CCT3: variants seen among roughly 807,000 people sequenced by gnomAD.
The protein encoded by CCT3 is T-complex protein 1 subunit gamma.
CCT3 carries 10 observed loss-of-function variants against 65.3 expected under a neutral mutation model. That is an observed-to-expected ratio of 0.15 (90% CI 0.09 to 0.26). The LOEUF is 0.26. Among genes scored for constraint, CCT3 ranks in the 10% least tolerant of loss-of-function variants. CCT3 has a pLI of 1.00. For synonymous variants in CCT3, 225 were observed against 242.3 expected (o/e 0.93, Z 0.66); for missense variants, 626 against 708.7 (o/e 0.88, Z 1.33).
In CCT3 at chr1:156,321,037, A is replaced by G; in HGVS notation, c.423-12T>C. The G allele has an allele frequency of 6.2e-7, 1 of 1,608,336 alleles. No individual in the cohort carries two copies. Among genetic ancestry groups the G allele is most frequent in the Non-Finnish European group, 8.5e-7 (1 of 1,175,212 alleles). ...TGTCGACTGGGATACTAGAGAAAAG[A>G]AAACCAGACGATATGTGAAGAAGGC... is the stretch of plus-strand genomic sequence containing the variant. On this transcript the variant is annotated splice_polypyrimidine_tract_variant and intron_variant, in intron 6 of 13. Transcript: ENST00000295688.
intron 11 of CCT3, 148 bp downstream of exon 11, chr1:156,311,892 TA>T (rs1413967422): frequency 1.5e-5 from 7 of 478,076 alleles, no homozygotes; most frequent in Admixed American, 4.1e-5. Flanking sequence ...ATTATTTAAT[TA>T]AAAAAAGGAA....
At chr1:156,332,043 A>AAAAG (rs34561467) in intron 5 of CCT3, among the ~76,000 whole-genome samples, 35,549 of 149,748 alleles carry the variant, frequency 0.24, 4,774 homozygotes, top group Non-Finnish European at 0.29. Context: ...AAAAAAAAAA[A>AAAAG]GAGACATGGT....
chr1:156,326,631 C>G (rs991615426), intron 5 of CCT3, among the ~76,000 whole-genome samples: 29 of 111,588 alleles, frequency 2.6e-4, no homozygotes, highest in African/African-American at 1.0e-3. Flanking sequence ...GCCTAAGCCA[C>G]AGAGTGAGAC....
chr1:156,334,691 C>G, intron 4 of CCT3, 22 bp downstream of exon 4: 1 of 1,611,328 alleles, frequency 6.2e-7, no homozygotes, highest in East Asian at 2.2e-5. Flanking sequence ...AGCAAAAAAA[C>G]AAAACCAAAA....
At chr1:156,329,277 G>A (rs995070340) in intron 5 of CCT3, among the ~76,000 whole-genome samples, 1 of 149,624 alleles carries the variant, frequency 6.7e-6, no homozygotes, top group Non-Finnish European at 1.5e-5. Context: ...GCCTAATAAC[G>A]CATTTGTCTC....
At chr1:156,335,022 GTTTTA>G (rs1333532897) in intron 2 of CCT3, 104 bp from the exon 3 acceptor site, 67 of 894,272 alleles carry the variant, frequency 7.5e-5, no homozygotes, top group Middle Eastern at 3.3e-4. Flanking sequence ...CAGAGTCAGT[GTTTTA>G]TTTTATTTTA....
rs1004901075 is a variant in CCT3, at chr1:156,309,175, C to A, written c.*24G>T. 3 of 1,451,384 alleles carry A rather than the reference C, an allele frequency of 2.1e-6. No individual in the cohort carries two copies. Among genetic ancestry groups the A allele is most frequent in the African/African-American group, 1.4e-5 (1 of 71,610 alleles). The allele number at this position is 1,451,384 out of a possible 1,614,324, so 89.9% of individuals were successfully genotyped here. A position where few individuals can be genotyped will look rare whatever the true frequency, so the allele number is the denominator to read the frequency against. ...AAGGGGAGACTCTGCTGGTTCTGTGCATTGAAGTAGCCTTGCCTAGCACTC... is the reference window on the plus strand; with the variant it reads ...AAGGGGAGACTCTGCTGGTTCTGTGAATTGAAGTAGCCTTGCCTAGCACTC... On this transcript the variant is annotated 3_prime_UTR_variant, in exon 14 of 14. Transcript: ENST00000295688.
At chr1:156,314,217 C>A (rs1396002456) in intron 10 of CCT3, among the ~76,000 whole-genome samples, 1 of 152,058 alleles carries the variant, frequency 6.6e-6, no homozygotes, top group Non-Finnish European at 1.5e-5. Flanking sequence ...AGCCATCAAG[C>A]CCAAAACAAT....
chr1:156,338,144 C>T lies in CCT3; in HGVS notation c.31+10G>A, dbSNP rs745579635. 5.1e-6 allele frequency: 8 copies of T among 1,584,062 alleles called. 1 individual carries two copies. The Admixed American group carries it at 1.1e-4, about 22-fold the overall frequency. On this transcript the variant is annotated intron_variant, in intron 1 of 13. Coordinates refer to ENST00000295688, the MANE Select transcript of CCT3 (RefSeq NM_005998.5). ...AAGGGGGTCCATTTCCTGGCATCCC[C>T]AGAACTCACTGAGCACGAGCACTGG...
intron 5 of CCT3, among the ~76,000 whole-genome samples, chr1:156,331,771 C>T (rs756778929): frequency 2.0e-5 from 3 of 152,020 alleles, no homozygotes; most frequent in Non-Finnish European, 2.9e-5. Context: ...TGGTGGCTTA[C>T]ACCTATTATC....
chr1:156,323,538 C>T (rs1268555032), intron 6 of CCT3, among the ~76,000 whole-genome samples: 5 of 152,114 alleles, frequency 3.3e-5, no homozygotes, highest in African/African-American at 1.2e-4. Flanking sequence ...AATCTCTGCT[C>T]ACTGCAAGCT....
In CCT3 at chr1:156,338,279, T is replaced by C; in HGVS notation, c.-95A>G. ...AGACAGAAGCCCAGAAAACGCTGCC[T>C]CCTCAGGGCTTACACCTCAACCCGC... On this transcript the variant is annotated 5_prime_UTR_variant, in exon 1 of 14. Transcript: ENST00000295688. The C allele has an allele frequency of 2.4e-6, 3 of 1,272,456 alleles. No individual in the cohort carries two copies. The highest frequency in any genetic ancestry group is 1.3e-5 in the South Asian group (1 of 78,610). The allele number at this position is 1,272,456 out of a possible 1,614,324, so 78.8% of individuals were successfully genotyped here. A position where few individuals can be genotyped will look rare whatever the true frequency, so the allele number is the denominator to read the frequency against.
intron 10 of CCT3, among the ~76,000 whole-genome samples, chr1:156,316,246 T>C (rs1288976073): frequency 6.6e-6 from 1 of 152,226 alleles, no homozygotes; most frequent in Non-Finnish European, 1.5e-5. Context: ...TGATTTAAAG[T>C]GTATAGAAGG....
intron 13 of CCT3, among the ~76,000 whole-genome samples, 171 bp from the exon 14 acceptor site, chr1:156,309,474 T>G (rs533768485): frequency 1.3e-5 from 2 of 152,130 alleles, no homozygotes; most frequent in East Asian, 3.9e-4. Flanking sequence ...TCACCCAGGC[T>G]AGAGTGCAGT....
intron 7 of CCT3, among the ~76,000 whole-genome samples, chr1:156,319,729 T>C (rs966617886): frequency 1.4e-4 from 21 of 152,038 alleles, no homozygotes; most frequent in South Asian, 6.2e-4. Flanking sequence ...AAATAAGGGC[T>C]TAGGTCTCTC....
rs199557682 is a variant in CCT3 at position 156,317,202 on chromosome 1, C to T, written c.938G>A (p.Arg313His). The T allele has an allele frequency of 3.2e-5, 52 of 1,614,022 alleles. No homozygotes were observed. The highest frequency in any genetic ancestry group is 2.2e-5 in the South Asian group (2 of 91,094). Residue 313 changes from arginine to histidine, a missense_variant, in exon 10 of 14, where the codon CGC becomes CAC. Coordinates refer to ENST00000295688, the MANE Select transcript of CCT3 (RefSeq NM_005998.5). Reference protein sequence around the residue: ...YLMRANITAIRRVRKTDNNRI... With the variant: ...YLMRANITAIHRVRKTDNNRI... The stretch of plus-strand genomic sequence containing the variant: ...ATTATTGTCTGTCTTCCGGACTCTG[C>T]GGATGGCTGTGATATTGGCCCGCAT...
chr1:156,311,527 T>C (rs1380050884), intron 11 of CCT3, among the ~76,000 whole-genome samples: 1 of 152,232 alleles, frequency 6.6e-6, no homozygotes. Context: ...TGTATCTTGA[T>C]AGATAAGAGC....
At chr1:156,325,394 G>C (rs1449176378) in intron 5 of CCT3, among the ~76,000 whole-genome samples, 1 of 152,040 alleles carries the variant, frequency 6.6e-6, no homozygotes, top group Non-Finnish European at 1.5e-5. Flanking sequence ...TAGTGTGGTG[G>C]TATGAGCCTG....
intron 6 of CCT3, among the ~76,000 whole-genome samples, chr1:156,322,367 T>C (rs1664591537): frequency 6.6e-6 from 1 of 151,682 alleles, no homozygotes; most frequent in African/African-American, 2.4e-5. Context: ...TGTGGTGGTA[T>C]GCGCCTGTAG....
Sources: gnomAD v4.1 joint callset for allele counts (sites outside exome capture counted in the v4.1 genomes callset) on GRCh38, gnomAD v4.1.1 for gene constraint, MANE v1.5 for transcripts, NCBI Gene and HGNC (gene_info 2026-07-23, HGNC 2026-07-21) for gene names.